DRC11: variants seen among roughly 807,000 people sequenced by gnomAD.
DRC11 encodes IQ and AAA domain-containing protein 1.
the DRC11 span, among the ~76,000 whole-genome samples, chr2:236,483,872 TA>T: frequency 6.6e-6 from 1 of 152,372 alleles, no homozygotes; most frequent in South Asian, 2.1e-4. The surrounding 1 kb of genome is among the most constrained non-coding windows in gnomAD (Gnocchi z 4.8). Flanking sequence ...TTTTAAATCC[TA>T]AAATCCCCAA....
chr2:236,408,328 C>T, the DRC11 span: 31 of 773,994 alleles, frequency 4.0e-5, no homozygotes, highest in East Asian at 2.4e-4. This position sits in a 1 kb window ranked among gnomAD's most constrained non-coding sequence, Gnocchi z 5.5. Flanking sequence ...GGCCACCTTG[C>T]GCAAGCCTCA....
At chr2:236,481,998 T>G in the DRC11 span, among the ~76,000 whole-genome samples, 39 of 148,894 alleles carry the variant, frequency 2.6e-4, no homozygotes, top group South Asian at 1.1e-3. Context: ...ATTATATGTA[T>G]AATTCTAGGT....
At chr2:236,308,709 T>C in the DRC11 span, among the ~76,000 whole-genome samples, 1 of 152,246 alleles carries the variant, frequency 6.6e-6, no homozygotes, top group Admixed American at 6.5e-5. The surrounding 1 kb of genome is among the most constrained non-coding windows in gnomAD (Gnocchi z 6.0). Flanking sequence ...GGTGGAATAG[T>C]ATTCCATCTG....
the DRC11 span, among the ~76,000 whole-genome samples, chr2:236,491,219 G>GTATATATATATATATATATATACACAGTA: frequency 3.1e-4 from 6 of 19,564 alleles, no homozygotes; most frequent in Admixed American, 6.1e-4. Context: ...TATACACACA[G>GTATATATATATATATATATATACACAGTA]TATATATATA....
chr2:236,317,302 A>G, the DRC11 span, among the ~76,000 whole-genome samples: 29 of 151,870 alleles, frequency 1.9e-4, no homozygotes, highest in African/African-American at 6.5e-4. This position sits in a 1 kb window ranked among gnomAD's most constrained non-coding sequence, Gnocchi z 5.4. Flanking sequence ...ATCGGGGGAA[A>G]AAAAAAAAAA....
At chr2:236,491,248 A>ATG in the DRC11 span, among the ~76,000 whole-genome samples, 1 of 59,434 alleles carries the variant, frequency 1.7e-5, no homozygotes, top group South Asian at 4.0e-4. Flanking sequence ...TATACACAGT[A>ATG]TATATATATA....
At chr2:236,311,271 G>C in the DRC11 span, among the ~76,000 whole-genome samples, 68 of 152,344 alleles carry the variant, frequency 4.5e-4, no homozygotes, top group African/African-American at 1.6e-3. The surrounding 1 kb of genome is among the most constrained non-coding windows in gnomAD (Gnocchi z 6.9). Context: ...CACCTGGGTG[G>C]GTTGTGTTGG....
At chr2:236,389,455 C>G in the DRC11 span, among the ~76,000 whole-genome samples, 1 of 152,216 alleles carries the variant, frequency 6.6e-6, no homozygotes, top group African/African-American at 2.4e-5. Flanking sequence ...CTTTCTTTGA[C>G]TCAGAAAGGG....
the DRC11 span, among the ~76,000 whole-genome samples, chr2:236,353,076 G>A: frequency 6.6e-6 from 1 of 152,176 alleles, no homozygotes; most frequent in Non-Finnish European, 1.5e-5. This position sits in a 1 kb window ranked among gnomAD's most constrained non-coding sequence, Gnocchi z 5.0. Context: ...CTGCCAATTT[G>A]CTAATGAAAA....
At chr2:236,504,382 C>G in the DRC11 span, among the ~76,000 whole-genome samples, 1 of 152,212 alleles carries the variant, frequency 6.6e-6, no homozygotes, top group South Asian at 2.1e-4. This position sits in a 1 kb window ranked among gnomAD's most constrained non-coding sequence, Gnocchi z 5.0. Flanking sequence ...GCCTTCTTTG[C>G]TGCTGTGAGT....
At chr2:236,393,669 G>C in the DRC11 span, among the ~76,000 whole-genome samples, 2 of 152,228 alleles carry the variant, frequency 1.3e-5, no homozygotes, top group Admixed American at 1.3e-4. This position sits in a 1 kb window ranked among gnomAD's most constrained non-coding sequence, Gnocchi z 4.7. Flanking sequence ...GAAAGGGGCA[G>C]GGATAAGGTG....
chr2:236,347,483 TCAA>T, the DRC11 span, among the ~76,000 whole-genome samples: 2 of 145,430 alleles, frequency 1.4e-5, no homozygotes, highest in African/African-American at 2.5e-5. Context: ...CAAATGCCCA[TCAA>T]CGAGTGGATA....
the DRC11 span, among the ~76,000 whole-genome samples, chr2:236,485,252 A>G: frequency 2.0e-5 from 3 of 151,818 alleles, no homozygotes; most frequent in Non-Finnish European, 4.4e-5. Flanking sequence ...ATATATATGT[A>G]TGTATATATA....
the DRC11 span, among the ~76,000 whole-genome samples, chr2:236,396,528 A>G: frequency 2.0e-5 from 3 of 152,146 alleles, no homozygotes; most frequent in Non-Finnish European, 2.9e-5. Context: ...ATGGAAACAG[A>G]TATTACACAA....
chr2:236,406,801 A>G, the DRC11 span, among the ~76,000 whole-genome samples: 1 of 151,012 alleles, frequency 6.6e-6, no homozygotes, highest in African/African-American at 2.4e-5. This position sits in a 1 kb window ranked among gnomAD's most constrained non-coding sequence, Gnocchi z 4.7. Flanking sequence ...GCTGGAGTGC[A>G]GTAGCACAAT....
chr2:236,403,721 T>C, the DRC11 span, among the ~76,000 whole-genome samples: 4 of 152,156 alleles, frequency 2.6e-5, no homozygotes. Flanking sequence ...TTTTTACAAA[T>C]GAAAGTGCAT....
At chr2:236,387,590 C>T in the DRC11 span, among the ~76,000 whole-genome samples, 3 of 152,104 alleles carry the variant, frequency 2.0e-5, no homozygotes, top group Non-Finnish European at 4.4e-5. Context: ...GAATACAGCA[C>T]ACTGATGGGT....
the DRC11 span, among the ~76,000 whole-genome samples, chr2:236,504,491 A>G: frequency 6.6e-6 from 1 of 152,158 alleles, no homozygotes; most frequent in Non-Finnish European, 1.5e-5. This position sits in a 1 kb window ranked among gnomAD's most constrained non-coding sequence, Gnocchi z 5.0. Context: ...AAAGTGCTCT[A>G]CATTTAAAAT....
At chr2:236,327,484 A>T in the DRC11 span, among the ~76,000 whole-genome samples, 1 of 152,114 alleles carries the variant, frequency 6.6e-6, no homozygotes, top group Non-Finnish European at 1.5e-5. Flanking sequence ...ACTTCAAGCG[A>T]TCTGCCTGCC....
Sources: allele counts gnomAD v4.1 joint callset (sites outside exome capture counted in the v4.1 genomes callset), GRCh38; gene constraint gnomAD v4.1.1; non-coding constraint Gnocchi (gnomAD v3.1); transcripts MANE v1.5; gene names NCBI Gene and HGNC (gene_info 2026-07-23, HGNC 2026-07-21).